Variants in CNOT6 observed in about 807,000 individuals in gnomAD.
CNOT6 encodes the protein carbon catabolite repression 4 protein.
In CNOT6, 12 loss-of-function variants were observed where a neutral mutation model predicts 61.2. That is an observed-to-expected ratio of 0.20 (90% CI 0.13 to 0.32). The LOEUF (loss-of-function observed/expected upper bound fraction) is 0.32. Ranked by LOEUF, CNOT6 falls within the 10% of genes least tolerant of loss-of-function variation. The pLI, the probability that CNOT6 is intolerant of heterozygous loss-of-function variation, is 1.00. For missense variants in CNOT6, 405 were observed against 663.9 expected (o/e 0.61, Z 4.28); for synonymous variants, 225 against 240.6 (o/e 0.94, Z 0.60).
intron 1 of CNOT6, among the ~76,000 whole-genome samples, chr5:180,504,547 A>T (rs1448312220): frequency 1.3e-5 from 2 of 152,200 alleles, no homozygotes; most frequent in African/African-American, 4.8e-5. Context: ...AAGGTAAGAA[A>T]ACTGCAAAGA....
At chr5:180,539,466 G>GT (rs1317816206) in intron 2 of CNOT6, among the ~76,000 whole-genome samples, 1 of 141,896 alleles carries the variant, frequency 7.0e-6, no homozygotes, top group Non-Finnish European at 1.5e-5. Flanking sequence ...CTAGGTAATA[G>GT]TTTTTTGGGC....
intron 1 of CNOT6, among the ~76,000 whole-genome samples, chr5:180,504,502 CG>C (rs35524079): frequency 0.27 from 40,851 of 151,900 alleles, 6,124 homozygotes; most frequent in Middle Eastern, 0.41. Flanking sequence ...ATTCCAAGAG[CG>C]GGGGCAGTAA....
At chr5:180,550,246 T>TC in intron 3 of CNOT6, 129 bp downstream of exon 3, 2 of 625,002 alleles carry the variant, frequency 3.2e-6, no homozygotes, top group Non-Finnish European at 5.4e-6. Context: ...GGTCAGGAGA[T>TC]CGAGACCATT....
chr5:180,555,475 G>A (rs947775979), intron 4 of CNOT6, among the ~76,000 whole-genome samples: 1 of 152,146 alleles, frequency 6.6e-6, no homozygotes, highest in Non-Finnish European at 1.5e-5. Flanking sequence ...TGGAAGTGTA[G>A]TTTCAAAGAG....
At chr5:180,505,082 C>A (rs1757061539) in intron 1 of CNOT6, among the ~76,000 whole-genome samples, 1 of 150,398 alleles carries the variant, frequency 6.6e-6, no homozygotes, top group Non-Finnish European at 1.5e-5. Context: ...CCTCAGCCTC[C>A]CAAGTAGCTG....
At chr5:180,563,300 C>G (rs1234628440) in intron 4 of CNOT6, among the ~76,000 whole-genome samples, 1 of 151,522 alleles carries the variant, frequency 6.6e-6, no homozygotes, top group Admixed American at 6.6e-5. Flanking sequence ...ACTGCAAGCT[C>G]TGCCTCCCAG....
intron 1 of CNOT6, among the ~76,000 whole-genome samples, chr5:180,510,067 A>G (rs1039070325): frequency 2.7e-5 from 4 of 149,248 alleles, no homozygotes; most frequent in African/African-American, 9.8e-5. Flanking sequence ...ATTTCCTACA[A>G]GGAAAGACTA....
chr5:180,534,693 G>A (rs1280852993), intron 2 of CNOT6: 1 of 134,632 alleles, frequency 7.4e-6, no homozygotes, highest in African/African-American at 2.7e-5. Flanking sequence ...ATCCACCATG[G>A]CATGGGCCGG....
chr5:180,564,769 G>T (rs1561663896), intron 6 of CNOT6, 26 bp downstream of exon 6: 1 of 1,554,254 alleles, frequency 6.4e-7, no homozygotes, highest in Non-Finnish European at 8.9e-7. Flanking sequence ...TTTTTTAACT[G>T]TTATTTTTGC....
At chr5:180,495,446 C>T (rs1201721507) in intron 1 of CNOT6, 2 of 152,210 alleles carry the variant, frequency 1.3e-5, no homozygotes, top group Admixed American at 6.5e-5. Flanking sequence ...TCTTTGGAAA[C>T]TTCCTTTGAT....
chr5:180,574,651 G>A lies in CNOT6; in HGVS notation c.*451G>A. On this transcript the variant is annotated 3_prime_UTR_variant, in exon 12 of 12. Coordinates refer to ENST00000261951, the MANE Select transcript of CNOT6 (RefSeq NM_001370472.1). ...TACAGAATCTGAATTTAGCCTTTATGATTGTATATGATCCACAGAAGACCT... is the reference window on the plus strand; with the variant it reads ...TACAGAATCTGAATTTAGCCTTTATAATTGTATATGATCCACAGAAGACCT... 5.9e-6 allele frequency: 1 copy of A among 170,814 alleles called. No homozygotes were observed. The highest frequency in any genetic ancestry group is 1.3e-5 in the Non-Finnish European group (1 of 79,006). The allele number at this position is 170,814 out of a possible 1,614,324, so 10.6% of individuals were successfully genotyped here. A position where few individuals can be genotyped will look rare whatever the true frequency, so the allele number is the denominator to read the frequency against.
chr5:180,558,547 A>G (rs1760017373), intron 4 of CNOT6, among the ~76,000 whole-genome samples: 1 of 148,524 alleles, frequency 6.7e-6, no homozygotes, highest in African/African-American at 2.4e-5. Flanking sequence ...TGCTTTTTAG[A>G]CAGAAACAAT....
chr5:180,539,395 A>C (rs1443998351), intron 2 of CNOT6, among the ~76,000 whole-genome samples: 1 of 150,918 alleles, frequency 6.6e-6, no homozygotes. Flanking sequence ...GCTTTTCTAA[A>C]TTTTTTGTTC....
intron 1 of CNOT6, among the ~76,000 whole-genome samples, chr5:180,503,844 A>G (rs1310315022): frequency 6.6e-6 from 1 of 151,734 alleles, no homozygotes; most frequent in African/African-American, 2.4e-5. Flanking sequence ...GGACCTTGTG[A>G]TCTGCCTGCC....
At chr5:180,533,869 C>T (rs1160072727) in intron 2 of CNOT6, among the ~76,000 whole-genome samples, 1 of 152,088 alleles carries the variant, frequency 6.6e-6, no homozygotes, top group Non-Finnish European at 1.5e-5. Context: ...AGTGGGTCAC[C>T]ACCTGGGGCC....
intron 4 of CNOT6, among the ~76,000 whole-genome samples, chr5:180,556,052 A>G (rs965440926): frequency 2.0e-5 from 3 of 152,218 alleles, no homozygotes; most frequent in African/African-American, 7.2e-5. Context: ...ATAATACAGA[A>G]CAATCCTATC....
At chr5:180,498,059 A>T (rs1434923781) in intron 1 of CNOT6, among the ~76,000 whole-genome samples, 1 of 151,992 alleles carries the variant, frequency 6.6e-6, no homozygotes, top group Non-Finnish European at 1.5e-5. Flanking sequence ...AAAAAAAAAA[A>T]TGCTGAGTAA....
intron 1 of CNOT6, among the ~76,000 whole-genome samples, chr5:180,502,522 G>A (rs929089152): frequency 6.6e-6 from 1 of 152,178 alleles, no homozygotes; most frequent in Non-Finnish European, 1.5e-5. Context: ...CCAAACTTTG[G>A]TTAAATATTT....
In CNOT6 at chr5:180,567,969, G is replaced by C; in HGVS notation, c.993G>C (p.Leu331=). 3 of 1,611,040 alleles carry C rather than the reference G, an allele frequency of 1.9e-6. No individual in the cohort carries two copies. The highest frequency in any genetic ancestry group is 2.5e-6 in the Non-Finnish European group (3 of 1,177,566). The change falls in exon 9 of 12, where the codon CTG becomes CTC. Residue 331 remains leucine (L), a synonymous_variant. Coordinates refer to ENST00000261951, the MANE Select transcript of CNOT6 (RefSeq NM_001370472.1). ...AAGATAACATTGGGGTTGCAGTACT[G>C]CTAGAACTTCGGAAGGAATCGATTG... is the stretch of plus-strand genomic sequence containing the variant. The part of the protein sequence containing the change: ...MTKDNIGVAV[L]LELRKESIEM...
Sources: gnomAD v4.1 joint callset for allele counts (sites outside exome capture counted in the v4.1 genomes callset) on GRCh38, gnomAD v4.1.1 for gene constraint, MANE v1.5 for transcripts, NCBI Gene and HGNC (gene_info 2026-07-23, HGNC 2026-07-21) for gene names.